The following USP42 variants were observed in gnomAD, a reference collection of about 807,000 sequenced individuals.
USP42 encodes ubiquitin specific peptidase 42, also known as ubiquitin carboxyl-terminal hydrolase 42.
USP42 carries 23 observed loss-of-function variants against 113.0 expected under a neutral mutation model. That is an observed-to-expected ratio of 0.20 (90% CI 0.15 to 0.29). The LOEUF is 0.29. Among genes scored for constraint, USP42 ranks in the 10% least tolerant of loss-of-function variants. The probability of loss-of-function intolerance (pLI) is 1.00; values close to 1 mark genes in which losing one functional copy is unlikely to be tolerated. For synonymous variants in USP42, 933 were observed against 699.0 expected, an observed-to-expected ratio of 1.33 and a Z score of -5.28; for missense variants, 2,174 against 1,779.8, an observed-to-expected ratio of 1.22 and a Z score of -3.99.
At chr7:6,089,679 T>A in the USP42 span, among the ~76,000 whole-genome samples, 6 of 149,180 alleles carry the variant, frequency 4.0e-5, no homozygotes, top group African/African-American at 1.5e-4. Flanking sequence ...ATTACAGGCA[T>A]GCACCACCAC....
At chr7:6,124,036 C>T (rs778258744) in intron 3 of USP42, among the ~76,000 whole-genome samples, 1 of 151,978 alleles carries the variant, frequency 6.6e-6, no homozygotes, top group South Asian at 2.1e-4. Context: ...CCGCCGTGCC[C>T]GGCTAACTTT....
In USP42 at chr7:6,147,769, T is replaced by A. The variant is rs1562844167; in HGVS notation, c.1263T>A (p.Leu421=). ...ATGATGTGAAAAATGGAGGTGAACT[T>A]ACTCATCCCACCCATAGCCCCGGCC... ...RSHDVKNGGE[L]THPTHSPGQS... is the part of the protein sequence containing the mutation. Residue 421 remains leucine, a synonymous_variant, in exon 12 of 18, where the codon CTT becomes CTA. Transcript: ENST00000306177. 1 of 1,594,880 alleles carries A rather than the reference T, an allele frequency of 6.3e-7. No individual in the cohort carries two copies. The highest frequency in any genetic ancestry group is 1.3e-5 in the African/African-American group (1 of 74,436).
chr7:6,102,088 T>C (rs1163968031), upstream of USP42, among the ~76,000 whole-genome samples: 2 of 147,568 alleles, frequency 1.4e-5, no homozygotes. Flanking sequence ...TCTATTTAAG[T>C]TGCTCAGGTA....
At chr7:6,134,806 G>C (rs1781039273) in intron 3 of USP42, among the ~76,000 whole-genome samples, 1 of 152,034 alleles carries the variant, frequency 6.6e-6, no homozygotes, top group Non-Finnish European at 1.5e-5. Flanking sequence ...GTTTTTTTGA[G>C]ACAGGGTCTC....
intron 3 of USP42, among the ~76,000 whole-genome samples, chr7:6,128,552 T>C (rs1780666254): frequency 6.6e-6 from 1 of 152,180 alleles, no homozygotes. Context: ...TATCGTTGGG[T>C]TGTGCTGTTC....
rs1782334968 is a variant in USP42, at chr7:6,154,827, G to A, written c.3273G>A (p.Arg1091=). 4.5e-6 allele frequency: 7 copies of A among 1,541,906 alleles called. No homozygotes were observed. The highest frequency in any genetic ancestry group is 1.2e-5 in the South Asian group (1 of 83,518). ...ACGAGCGGGCCGGGCTGCACGAGCG[G>A]CCGCACAAGGACCACAACCGGGGCC... is the stretch of plus-strand genomic sequence containing the variant. ...REHERAGLHE[R]PHKDHNRGRR... Residue 1091 remains arginine, a synonymous_variant, in exon 15 of 18, where the codon CGG becomes CGA. Transcript: ENST00000306177.
At chr7:6,089,387 G>C in the USP42 span, among the ~76,000 whole-genome samples, 2 of 150,424 alleles carry the variant, frequency 1.3e-5, 1 homozygote, top group African/African-American at 5.0e-5. Context: ...CCTGGGAGGG[G>C]GAGTTTCTTT....
chr7:6,146,095 G>T, intron 10 of USP42, 53 bp from the exon 11 acceptor site: 1 of 1,271,196 alleles, frequency 7.9e-7, no homozygotes, highest in African/African-American at 1.5e-5. Flanking sequence ...TCTTGACTAT[G>T]TTCCATGTTT....
chr7:6,137,172 G>A (rs1281215969), intron 4 of USP42, among the ~76,000 whole-genome samples: 1 of 152,168 alleles, frequency 6.6e-6, no homozygotes, highest in African/African-American at 2.4e-5. Context: ...ATAGGGATGT[G>A]TAATTATACA....
intron 9 of USP42, among the ~76,000 whole-genome samples, chr7:6,144,883 T>A (rs903259644): frequency 1.7e-4 from 25 of 149,026 alleles, no homozygotes; most frequent in African/African-American, 5.2e-4. Flanking sequence ...AAAAAAAAAA[T>A]TATGTTCAGA....
chr7:6,125,292 C>T (rs1488210311), intron 3 of USP42, among the ~76,000 whole-genome samples: 1 of 151,678 alleles, frequency 6.6e-6, no homozygotes, highest in East Asian at 1.9e-4. Flanking sequence ...AGTTTGAGAC[C>T]AGCCTGGTCA....
In USP42 at chr7:6,155,186, G is replaced by C. The variant is rs1013458121; in HGVS notation, c.3632G>C (p.Arg1211Pro). ...AAATCCAAAGACAAACACCGAGACC[G>C]CGACTCCAGGTGAGCCTGGGGCCTT... Reference protein sequence around the residue: ...KKKSKDKHRDRDSRHQQDSDL... With the variant: ...KKKSKDKHRDPDSRHQQDSDL... Residue 1211 changes from arginine (R) to proline (P), a missense_variant, in exon 15 of 18, where the codon CGC becomes CCC. Arg to Pro is a moderately radical substitution (Grantham distance 103, BLOSUM62 -2). Transcript: ENST00000306177. 4.6e-6 allele frequency: 7 copies of C among 1,531,220 alleles called. No individual in the cohort carries two copies. The highest frequency in any genetic ancestry group is 6.1e-6 in the Non-Finnish European group (7 of 1,144,308). 94.9% of individuals were successfully genotyped at this position (1,531,220 alleles called of 1,614,324 possible).
intron 2 of USP42, chr7:6,112,035 T>A (rs1005634440): frequency 6.6e-6 from 1 of 152,464 alleles, no homozygotes; most frequent in South Asian, 2.1e-4. Flanking sequence ...TTTTACAAAT[T>A]TAAAGGTGTT....
chr7:6,141,985 C>T (rs1781456804), intron 7 of USP42, among the ~76,000 whole-genome samples: 1 of 152,136 alleles, frequency 6.6e-6, no homozygotes, highest in Non-Finnish European at 1.5e-5. Context: ...TCTGTGTGAG[C>T]GTGCTCTCTG....
chr7:6,156,683 G>A (rs1782461775), intron 15 of USP42, 71 bp from the exon 16 acceptor site: 2 of 1,460,888 alleles, frequency 1.4e-6, no homozygotes, highest in African/African-American at 1.4e-5. Context: ...GGGTGGAAAG[G>A]CCAAGCTCCA....
chr7:6,154,594 C>G lies in USP42; in HGVS notation c.3040C>G (p.Leu1014Val). The G allele has an allele frequency of 1.3e-6, 2 of 1,579,106 alleles. No individual in the cohort carries two copies. Among genetic ancestry groups the G allele is most frequent in the Non-Finnish European group, 8.6e-7 (1 of 1,164,862 alleles). The change falls in exon 15 of 18, where the codon CTG (leucine) becomes GTG (valine). Residue 1014 changes from leucine (L) to valine (V), a missense_variant. Physicochemically the swap from Leu to Val is conservative, Grantham distance 32 (BLOSUM62 1). Coordinates refer to ENST00000306177, the MANE Select transcript of USP42 (RefSeq NM_032172.3). ...GCTCAGCCCTGGCGAGCGCCGCTCT[C>G]TGGGCAGGTGCAGTCACCACCACTC... ...DRLSPGERRS[L>V]GRCSHHHSRH... is the part of the protein sequence containing the mutation.
At chr7:6,130,398 C>G (rs1366194488) in intron 3 of USP42, among the ~76,000 whole-genome samples, 1 of 152,188 alleles carries the variant, frequency 6.6e-6, no homozygotes, top group East Asian at 1.9e-4. Context: ...TTTGTTACCA[C>G]TGAGTGATGG....
At chr7:6,109,131 A>G (rs1368828020) in intron 1 of USP42, among the ~76,000 whole-genome samples, 1 of 152,180 alleles carries the variant, frequency 6.6e-6, no homozygotes, top group East Asian at 1.9e-4. Context: ...AGTGTCCCAG[A>G]GAAAGTAAAG....
At position 6,130,774 on chromosome 7, in the gene USP42, C is replaced by T. The variant is rs879536037; in HGVS notation, c.443-5067C>T. Among the ~76,000 whole-genome samples, 29 of 152,034 alleles carry T rather than the reference C, an allele frequency of 1.9e-4. 1 individual carries two copies. The highest frequency in any genetic ancestry group is 1.4e-3 in the Admixed American group (21 of 15,262). ...TCAGGGGCAGCCACAAGAGGAGACACAAGAGAGGCTCAGGAAGACAAAGAT... is the reference window on the plus strand; with the variant it reads ...TCAGGGGCAGCCACAAGAGGAGACATAAGAGAGGCTCAGGAAGACAAAGAT... On this transcript the variant is annotated intron_variant, in intron 3 of 17. Coordinates refer to ENST00000306177, the MANE Select transcript of USP42 (RefSeq NM_032172.3).
Sources: allele counts gnomAD v4.1 joint callset (sites outside exome capture counted in the v4.1 genomes callset), GRCh38; gene constraint gnomAD v4.1.1; transcripts MANE v1.5; gene names NCBI Gene and HGNC (gene_info 2026-07-23, HGNC 2026-07-21).